FLT1: variants seen among roughly 807,000 people sequenced by gnomAD.
The protein encoded by FLT1 is vascular endothelial growth factor receptor 1.
In FLT1, 49 loss-of-function variants were observed where a neutral mutation model predicts 156.3. The observed-to-expected ratio is 0.31, with a 90% confidence interval of 0.25 to 0.40. The LOEUF is 0.40. FLT1 is among the 10% of genes least tolerant of loss of function. FLT1 has a pLI of 1.00. For missense variants in FLT1, 1,322 were observed against 1,637.2 expected (o/e 0.81, Z 3.32); for synonymous variants, 594 against 583.8 (o/e 1.02, Z -0.25).
intron 3 of FLT1, among the ~76,000 whole-genome samples, chr13:28,453,443 T>C (rs932330364): frequency 6.6e-5 from 10 of 152,178 alleles, no homozygotes; most frequent in African/African-American, 2.4e-4. Flanking sequence ...TATTTCTTAA[T>C]GTATCCCAAG....
intron 18 of FLT1, 108 bp downstream of exon 18, chr13:28,333,917 G>A: frequency 1.2e-6 from 1 of 815,616 alleles, no homozygotes; most frequent in South Asian, 1.3e-5. Flanking sequence ...TATGTGTCCA[G>A]AGCAGAAAAG....
chr13:28,458,723 T>C (rs2137603648), intron 3 of FLT1, among the ~76,000 whole-genome samples: 1 of 152,322 alleles, frequency 6.6e-6, no homozygotes, highest in East Asian at 1.9e-4. Flanking sequence ...TGTCAGGGCT[T>C]AAAGATATCA....
chr13:28,419,517 A>T (rs1254577701), intron 10 of FLT1, among the ~76,000 whole-genome samples: 2 of 152,238 alleles, frequency 1.3e-5, no homozygotes, highest in African/African-American at 4.8e-5. Flanking sequence ...GAATCTTCAC[A>T]AATTTTGTGT....
rs1566012902 is a variant in FLT1 at position 28,412,346 on chromosome 13, C to CTCTTTG, written c.1437-6453_1437-6452insCAAAGA. ...CTTTCTTTCTTTTCTTTCTTTCTTT[C>CTCTTTG]TTTCTCTTTCTTTCTTTCTTTCTTT... On this transcript the variant is annotated intron_variant, in intron 10 of 29. Transcript: ENST00000282397. Among the ~76,000 whole-genome samples the CTCTTTG allele has an allele frequency of 1.9e-4, 11 of 58,364 alleles. 3 individuals are homozygous for CTCTTTG. Among genetic ancestry groups the CTCTTTG allele is most frequent in the Non-Finnish European group, 3.9e-4 (10 of 25,620 alleles). 38.3% of individuals were successfully genotyped at this position (58,364 alleles called of 152,430 possible). A position where few individuals can be genotyped will look rare whatever the true frequency, so the allele number is the denominator to read the frequency against.
intron 18 of FLT1, 77 bp from the exon 19 acceptor site, chr13:28,329,805 C>CT (rs773783541): frequency 8.3e-7 from 1 of 1,202,716 alleles, no homozygotes; most frequent in Non-Finnish European, 1.2e-6. Context: ...TCTTGCCCTC[C>CT]TTGTTTGTCA....
chr13:28,388,319 C>G (rs534710737), intron 13 of FLT1: 1,392 of 1,057,908 alleles, frequency 1.3e-3, no homozygotes, highest in Non-Finnish European at 1.5e-3. Context: ...CAAGTTTAGC[C>G]GTGGGACAGA....
chr13:28,359,775 T>C (rs962183614), intron 14 of FLT1, among the ~76,000 whole-genome samples: 3 of 152,104 alleles, frequency 2.0e-5, no homozygotes, highest in Non-Finnish European at 4.4e-5. Context: ...AACAGTTATA[T>C]GAAAAAAATA....
In FLT1 at chr13:28,302,661, C is replaced by G. The variant is rs1370900046; in HGVS notation, c.*506G>C. On this transcript the variant is annotated 3_prime_UTR_variant, in exon 30 of 30. Transcript: ENST00000282397. ...TTTCTCATGCCTTCTCCCGGTTTCT[C>G]TTTTCTCCCTTGCTTTTTGCTTTTT... 1 of 235,678 alleles carries G rather than the reference C, an allele frequency of 4.2e-6. No homozygotes were observed. The highest frequency in any genetic ancestry group is 8.3e-6 in the Non-Finnish European group (1 of 119,810). 14.6% of individuals were successfully genotyped at this position (235,678 alleles called of 1,614,324 possible).
chr13:28,305,705 T>C (rs1870714939), intron 29 of FLT1, among the ~76,000 whole-genome samples: 1 of 152,234 alleles, frequency 6.6e-6, no homozygotes, highest in Admixed American at 6.5e-5. Flanking sequence ...ACGGGCTGCA[T>C]GAATCCCAGG....
chr13:28,322,715 G>T lies in FLT1; in HGVS notation c.2953+75C>A. 1 of 1,426,564 alleles carries T rather than the reference G, an allele frequency of 7.0e-7. No individual in the cohort carries two copies. The highest frequency in any genetic ancestry group is 9.9e-7 in the Non-Finnish European group (1 of 1,013,634). 88.4% of individuals were successfully genotyped at this position (1,426,564 alleles called of 1,614,324 possible). A position where few individuals can be genotyped will look rare whatever the true frequency, so the allele number is the denominator to read the frequency against. ...GGATGTTTATTAGAGTGATAAATAA[G>T]AAAAAAATTTCAGAGATGCATAGTA... On this transcript the variant is annotated intron_variant, in intron 21 of 29. Coordinates refer to ENST00000282397, the MANE Select transcript of FLT1 (RefSeq NM_002019.4). This position sits in a 1 kb window ranked among gnomAD's most constrained non-coding sequence, Gnocchi z 4.3.
intron 20 of FLT1, 79 bp from the exon 21 acceptor site, chr13:28,323,025 C>A (rs930934128): frequency 7.0e-7 from 1 of 1,434,468 alleles, no homozygotes; most frequent in Non-Finnish European, 9.8e-7. Flanking sequence ...AACTGGCAAT[C>A]GCCTGATGAG....
intron 15 of FLT1, among the ~76,000 whole-genome samples, chr13:28,350,547 A>T (rs1407608978): frequency 6.6e-6 from 1 of 152,152 alleles, no homozygotes; most frequent in Non-Finnish European, 1.5e-5. Flanking sequence ...GTCTGGCGGC[A>T]TCACACCAGC....
chr13:28,366,291 T>G (rs776579161), intron 14 of FLT1, among the ~76,000 whole-genome samples: 3 of 152,194 alleles, frequency 2.0e-5, no homozygotes, highest in Non-Finnish European at 2.9e-5. Flanking sequence ...ATCTGGCCCC[T>G]TCCTATCTTC....
intron 14 of FLT1, among the ~76,000 whole-genome samples, chr13:28,370,392 A>C (rs1873507746): frequency 1.3e-5 from 2 of 152,156 alleles, no homozygotes; most frequent in African/African-American, 4.8e-5. Context: ...GGTGCAGCAC[A>C]CCAACATGGC....
At chr13:28,304,172 T>C (rs1219498007) in intron 29 of FLT1, among the ~76,000 whole-genome samples, 1 of 152,236 alleles carries the variant, frequency 6.6e-6, no homozygotes, top group Non-Finnish European at 1.5e-5. Context: ...GGATACAATT[T>C]ATGGTCTTCT....
At chr13:28,447,299 C>T (rs1878674538) in intron 3 of FLT1, among the ~76,000 whole-genome samples, 1 of 151,808 alleles carries the variant, frequency 6.6e-6, no homozygotes, top group Non-Finnish European at 1.5e-5. Context: ...CCACCTCAGC[C>T]TCCTGAGTAG....
chr13:28,449,609 C>T (rs953350639), intron 3 of FLT1, among the ~76,000 whole-genome samples: 8 of 152,194 alleles, frequency 5.3e-5, no homozygotes, highest in African/African-American at 1.9e-4. Flanking sequence ...TCCAGACAGA[C>T]ACTTACATGT....
chr13:28,338,157 A>G (rs1031393273), intron 17 of FLT1, among the ~76,000 whole-genome samples: 1 of 152,154 alleles, frequency 6.6e-6, no homozygotes, highest in Non-Finnish European at 1.5e-5. Context: ...GAATCATTTC[A>G]AGGCCCAAGA....
At chr13:28,395,551 C>T (rs1874995529) in intron 12 of FLT1, among the ~76,000 whole-genome samples, 1 of 152,052 alleles carries the variant, frequency 6.6e-6, no homozygotes, top group Admixed American at 6.6e-5. Flanking sequence ...ATTGAAATCA[C>T]AATAGTTTGG....
Sources: allele counts gnomAD v4.1 joint callset (sites outside exome capture counted in the v4.1 genomes callset), GRCh38; gene constraint gnomAD v4.1.1; non-coding constraint Gnocchi (gnomAD v3.1); transcripts MANE v1.5; gene names NCBI Gene and HGNC (gene_info 2026-07-23, HGNC 2026-07-21).